Variants in LPP observed in about 807,000 individuals in gnomAD.
LPP encodes the protein LIM domain containing preferred translocation partner in lipoma.
Under a neutral mutation model 60.4 loss-of-function variants are expected in LPP, and 38 were observed. The observed-to-expected ratio is 0.63, with a 90% CI of 0.49 to 0.83. LPP has a LOEUF of 0.83. LPP is among the 40% of genes least tolerant of loss of function. The probability of loss-of-function intolerance (pLI) is 0.00; values close to 1 mark genes in which losing one functional copy is unlikely to be tolerated. For missense variants in LPP, 902 were observed against 783.6 expected (o/e 1.15, Z -1.80); for synonymous variants, 328 against 290.8 (o/e 1.13, Z -1.30).
At chr3:188,580,258 C>T (rs1209203165) in intron 6 of LPP, among the ~76,000 whole-genome samples, 1 of 151,650 alleles carries the variant, frequency 6.6e-6, no homozygotes, top group Non-Finnish European at 1.5e-5. Flanking sequence ...AAAAAACTTA[C>T]TCAAAACATT....
chr3:188,404,332 T>C (rs1205628694), intron 3 of LPP, among the ~76,000 whole-genome samples: 1 of 152,096 alleles, frequency 6.6e-6, no homozygotes. Flanking sequence ...GCAGCCTCAA[T>C]CTCCCAGGCT....
intron 2 of LPP, among the ~76,000 whole-genome samples, chr3:188,337,109 A>G (rs1016435620): frequency 2.6e-5 from 4 of 152,148 alleles, no homozygotes; most frequent in Non-Finnish European, 5.9e-5. Flanking sequence ...ACCTGGGCCC[A>G]TGGGGAAGAG....
At chr3:188,252,283 T>A (rs1156370203) in intron 2 of LPP, among the ~76,000 whole-genome samples, 1 of 146,296 alleles carries the variant, frequency 6.8e-6, no homozygotes, top group Admixed American at 6.9e-5. Context: ...ATTTCGTAAA[T>A]TTTTTTTCTT....
chr3:188,165,253 G>T (rs1719582063), intron 1 of LPP, among the ~76,000 whole-genome samples: 1 of 151,928 alleles, frequency 6.6e-6, no homozygotes, highest in African/African-American at 2.4e-5. Flanking sequence ...TCCAGCTGGG[G>T]TTACAGAATA....
chr3:188,886,941 C>T lies in LPP; in HGVS notation c.*12462C>T. On this transcript the variant is annotated 3_prime_UTR_variant, in exon 12 of 12. Transcript: ENST00000617246. Reference sequence around the variant, plus strand: ...ATTTATCTCTTAAAATATGCCAAAGCAATTTGAGGTGGGGGTGGAAACAGG... The same window carrying T: ...ATTTATCTCTTAAAATATGCCAAAGTAATTTGAGGTGGGGGTGGAAACAGG... 4.3e-6 allele frequency: 1 copy of T among 230,886 alleles called. No individual in the cohort carries two copies. Among genetic ancestry groups the T allele is most frequent in the East Asian group, 6.1e-5 (1 of 16,276 alleles). 14.3% of individuals were successfully genotyped at this position (230,886 alleles called of 1,614,324 possible).
At chr3:188,749,494 T>G (rs1577332681) in intron 8 of LPP, among the ~76,000 whole-genome samples, 4 of 152,288 alleles carry the variant, frequency 2.6e-5, no homozygotes, top group Admixed American at 2.6e-4. Context: ...TAAAACAGAA[T>G]CCCGAGTAAG....
At chr3:188,524,917 TTCCTTC>T (rs1560518873) in intron 6 of LPP, 130 bp downstream of exon 6, 5 of 639,716 alleles carry the variant, frequency 7.8e-6, no homozygotes, top group Non-Finnish European at 9.9e-6. Context: ...CCTTCCTTCC[TTCCTTC>T]CTTCCTTCCT....
At chr3:188,614,853 C>T (rs745396634) in intron 7 of LPP, among the ~76,000 whole-genome samples, 3 of 152,124 alleles carry the variant, frequency 2.0e-5, no homozygotes, top group African/African-American at 4.8e-5. Flanking sequence ...ATAAAATCAG[C>T]GGTTGGAGGG....
chr3:188,817,908 G>A (rs1210253347), intron 9 of LPP, among the ~76,000 whole-genome samples: 2 of 152,194 alleles, frequency 1.3e-5, no homozygotes, highest in Non-Finnish European at 2.9e-5. Context: ...TCTTCCACAC[G>A]ATTATTATCT....
rs111238778 is a variant in LPP, at chr3:188,889,984, A to AT, written c.*15515dup. 8,109 of 208,090 alleles carry AT rather than the reference A, an allele frequency of 0.039. 568 individuals are homozygous for AT. Among genetic ancestry groups the AT allele is most frequent in the African/African-American group, 0.17 (7,241 of 43,558 alleles). 12.9% of individuals were successfully genotyped at this position (208,090 alleles called of 1,614,324 possible). On this transcript the variant is annotated 3_prime_UTR_variant, in exon 12 of 12. Transcript: ENST00000617246. ...GTCATAAGGATGTTGGGATACAGAG[A>AT]TTTTTTTTTTCCTTGGAAACAAATG...
chr3:188,547,413 A>G (rs1826937672), intron 6 of LPP, among the ~76,000 whole-genome samples: 1 of 151,990 alleles, frequency 6.6e-6, no homozygotes, highest in African/African-American at 2.4e-5. Context: ...AAGTCCCATA[A>G]CCCCTCAGGA....
At chr3:188,268,400 C>A (rs1030303840) in intron 2 of LPP, among the ~76,000 whole-genome samples, 15 of 152,210 alleles carry the variant, frequency 9.9e-5, no homozygotes, top group African/African-American at 3.1e-4. Context: ...GGGCAGGCCC[C>A]AAACCAGATA....
At position 188,723,456 on chromosome 3, in the gene LPP, T is replaced by C. The variant is rs1368186821; in HGVS notation, c.1240+15063T>C. Among the ~76,000 whole-genome samples, 4 of 152,158 alleles carry C rather than the reference T, an allele frequency of 2.6e-5. No homozygotes were observed. In the East Asian group the frequency reaches 7.7e-4, roughly 29 times the overall value. ...TTCTCAAACCATTCAGAAATGTACC[T>C]GTGATCTCTATTGAACAGAGGCCAA... On this transcript the variant is annotated intron_variant, in intron 8 of 11. Coordinates refer to ENST00000617246, the MANE Select transcript of LPP (RefSeq NM_001375462.1).
At chr3:188,478,445 C>T (rs185306418) in intron 4 of LPP, among the ~76,000 whole-genome samples, 27 of 151,738 alleles carry the variant, frequency 1.8e-4, no homozygotes, top group East Asian at 7.7e-4. Flanking sequence ...TATACATGTA[C>T]GTGTACATAT....
intron 1 of LPP, among the ~76,000 whole-genome samples, chr3:188,189,929 T>C (rs1272599638): frequency 6.6e-6 from 1 of 151,952 alleles, no homozygotes; most frequent in Non-Finnish European, 1.5e-5. Context: ...GGACAGGGAA[T>C]GAAAGACTGA....
At chr3:188,614,952 C>G (rs1844571979) in intron 7 of LPP, among the ~76,000 whole-genome samples, 1 of 152,098 alleles carries the variant, frequency 6.6e-6, no homozygotes, top group Admixed American at 6.6e-5. Context: ...AAAATTTGTC[C>G]CGAGGTTCTT....
chr3:188,423,273 A>G (rs989416247), intron 4 of LPP, among the ~76,000 whole-genome samples: 1 of 152,172 alleles, frequency 6.6e-6, no homozygotes, highest in African/African-American at 2.4e-5. Context: ...TGCAAAGGAC[A>G]TGAACTCATT....
At chr3:188,310,230 T>C (rs1358132733) in intron 2 of LPP, among the ~76,000 whole-genome samples, 3 of 151,906 alleles carry the variant, frequency 2.0e-5, no homozygotes, top group African/African-American at 7.3e-5. Flanking sequence ...TTTTTTTTTT[T>C]TTTCTTCTTC....
At chr3:188,198,676 T>A (rs538900497) in intron 1 of LPP, among the ~76,000 whole-genome samples, 1 of 152,324 alleles carries the variant, frequency 6.6e-6, no homozygotes, top group South Asian at 2.1e-4. Context: ...TTGGGTCCCA[T>A]GTTTATGTTG....
Sources: allele counts gnomAD v4.1 joint callset (sites outside exome capture counted in the v4.1 genomes callset), GRCh38; gene constraint gnomAD v4.1.1; transcripts MANE v1.5; gene names NCBI Gene and HGNC (gene_info 2026-07-23, HGNC 2026-07-21).